ASTN2: variants seen among roughly 807,000 people sequenced by gnomAD.
ASTN2 encodes the protein astrotactin-2.
A neutral mutation model predicts 139.8 loss-of-function variants in ASTN2; 54 were observed. The observed-to-expected ratio is 0.39, with a 90% CI of 0.31 to 0.48. The LOEUF is 0.48. Ranked by LOEUF, ASTN2 falls within the 20% of genes least tolerant of loss-of-function variation. ASTN2 has a pLI of 0.95. For synonymous variants in ASTN2, 756 were observed against 719.5 expected (o/e 1.05, Z -0.81); for missense variants, 1,565 against 1,725.1 (o/e 0.91, Z 1.64).
intron 19 of ASTN2, among the ~76,000 whole-genome samples, chr9:116,511,415 T>C (rs1485583621): frequency 1.3e-5 from 2 of 152,198 alleles, no homozygotes; most frequent in African/African-American, 2.4e-5. Flanking sequence ...CAGTATTTTA[T>C]TGAGGATTTT....
At chr9:117,028,856 A>G (rs1838171157) in intron 6 of ASTN2, among the ~76,000 whole-genome samples, 1 of 152,162 alleles carries the variant, frequency 6.6e-6, no homozygotes, top group African/African-American at 2.4e-5. Context: ...AGGGACTTTG[A>G]ACCCCAGTAT....
intron 7 of ASTN2, among the ~76,000 whole-genome samples, chr9:117,001,487 C>T (rs1837188687): frequency 6.6e-6 from 1 of 152,040 alleles, no homozygotes; most frequent in Admixed American, 6.6e-5. Flanking sequence ...GGATCCTTAC[C>T]TTTTAATGAC....
At position 117,064,616 on chromosome 9, in the gene ASTN2, A is replaced by G. The variant is rs550097965; in HGVS notation, c.1277-24651T>C. 3.3e-5 allele frequency among the ~76,000 whole-genome samples: 5 copies of G among 152,320 alleles called. No individual in the cohort carries two copies. In the South Asian group the frequency reaches 1.0e-3, roughly 32 times the overall value. ...AGCTAAACAATGTGTACCCATGGAC[A>G]TATAGAGTGGAATAATAGACATTGG... On this transcript the variant is annotated intron_variant, in intron 5 of 22. Transcript: ENST00000313400.
At chr9:116,565,347 CTGTT>C (rs1326901884) in intron 19 of ASTN2, among the ~76,000 whole-genome samples, 10 of 102,870 alleles carry the variant, frequency 9.7e-5, no homozygotes, top group Admixed American at 3.1e-4. Flanking sequence ...TTTTAAGACA[CTGTT>C]TCTCTCTCTC....
In ASTN2 at chr9:116,805,885, A is replaced by G. The variant is rs576062019; in HGVS notation, c.2208-65T>C. Reference sequence around the variant, plus strand: ...TGAATGCCCCCATTGGGGGTGACCTAAAACCAAGGCCTCCTTTCCCTGCAA... The same window carrying G: ...TGAATGCCCCCATTGGGGGTGACCTGAAACCAAGGCCTCCTTTCCCTGCAA... On this transcript the variant is annotated intron_variant, in intron 12 of 22. Coordinates refer to ENST00000313400, the MANE Select transcript of ASTN2 (RefSeq NM_001365068.1). 7 of 1,515,540 alleles carry G rather than the reference A, an allele frequency of 4.6e-6. No homozygotes were observed. In the African/African-American group the frequency reaches 6.9e-5, roughly 15 times the overall value. 93.9% of individuals were successfully genotyped at this position (1,515,540 alleles called of 1,614,324 possible). A position where few individuals can be genotyped will look rare whatever the true frequency, so the allele number is the denominator to read the frequency against.
At chr9:116,913,701 A>G (rs1834373347) in intron 10 of ASTN2, among the ~76,000 whole-genome samples, 1 of 152,162 alleles carries the variant, frequency 6.6e-6, no homozygotes, top group Non-Finnish European at 1.5e-5. Flanking sequence ...ATGGAGACAC[A>G]TGCTGGGTTT....
chr9:116,522,734 G>A (rs1291102581), intron 19 of ASTN2, among the ~76,000 whole-genome samples: 1 of 152,080 alleles, frequency 6.6e-6, no homozygotes, highest in Non-Finnish European at 1.5e-5. Context: ...GTCAGCAGAG[G>A]ATAAGTAGAA....
At chr9:117,228,184 T>C (rs943749147) in intron 2 of ASTN2, among the ~76,000 whole-genome samples, 5 of 151,378 alleles carry the variant, frequency 3.3e-5, no homozygotes, top group Non-Finnish European at 5.9e-5. Context: ...ATATATGTTA[T>C]AGAGTAATTT....
At chr9:117,036,354 A>G (rs1172485460) in intron 6 of ASTN2, among the ~76,000 whole-genome samples, 1 of 152,120 alleles carries the variant, frequency 6.6e-6, no homozygotes, top group Non-Finnish European at 1.5e-5. Flanking sequence ...TATACTCCGT[A>G]GTTATTTCTC....
chr9:117,320,790 C>T (rs1182991700), intron 1 of ASTN2, among the ~76,000 whole-genome samples: 1 of 152,162 alleles, frequency 6.6e-6, no homozygotes, highest in Non-Finnish European at 1.5e-5. Flanking sequence ...CCAAACTCCC[C>T]GTAACTGCCA....
intron 21 of ASTN2, 86 bp downstream of exon 21, chr9:116,442,367 G>T: frequency 9.9e-7 from 1 of 1,013,846 alleles, no homozygotes; most frequent in Non-Finnish European, 1.6e-6. Context: ...GTGTGCGTGT[G>T]TGTGTTTAAT....
chr9:116,509,115 C>T (rs559183845), intron 19 of ASTN2, among the ~76,000 whole-genome samples: 11 of 152,208 alleles, frequency 7.2e-5, no homozygotes, highest in South Asian at 2.1e-4. Flanking sequence ...CCCATTAACT[C>T]GTCATTTACA....
intron 2 of ASTN2, among the ~76,000 whole-genome samples, chr9:117,284,901 C>A (rs1008492875): frequency 5.3e-5 from 8 of 152,202 alleles, no homozygotes; most frequent in Non-Finnish European, 4.4e-5. Flanking sequence ...AGTCACAGGT[C>A]TTACAAGTTA....
intron 13 of ASTN2, among the ~76,000 whole-genome samples, chr9:116,743,122 G>A (rs950803767): frequency 6.6e-6 from 1 of 152,208 alleles, no homozygotes; most frequent in Non-Finnish European, 1.5e-5. Flanking sequence ...TTAAGGGGTA[G>A]GGGAGACTGT....
Position 116,725,938 on chromosome 9 carries a change from A to G in ASTN2, c.2639T>C (p.Val880Ala). Residue 880 changes from valine (V) to alanine (A), a missense_variant, in exon 16 of 23, where the codon GTT becomes GCT. Physicochemically the swap from Val to Ala is moderately conservative, Grantham distance 64. Around this residue, in one of 4 missense-constraint regions of ASTN2, gnomAD observed 503 missense variants for 591.7 expected, o/e 0.85. Transcript: ENST00000313400. Reference protein sequence around the residue: ...TITLAAGFTNVLKILTKESSR... With the variant: ...TITLAAGFTNALKILTKESSR... ...GCTCTCCTTGGTCAGGATCTTGAGA[A>G]CATTAGTGAAGCCTGGACAAGAGAG... 1 of 1,612,668 alleles carries G rather than the reference A, an allele frequency of 6.2e-7. No homozygotes were observed. The highest frequency in any genetic ancestry group is 8.5e-7 in the Non-Finnish European group (1 of 1,179,566).
intron 16 of ASTN2, among the ~76,000 whole-genome samples, chr9:116,693,060 G>A (rs1000579634): frequency 1.3e-5 from 2 of 152,056 alleles, no homozygotes; most frequent in South Asian, 2.1e-4. Context: ...TGAAAGGAAA[G>A]GTTGTTCATG....
At chr9:116,766,268 C>A (rs1172511511) in intron 13 of ASTN2, among the ~76,000 whole-genome samples, 1 of 152,090 alleles carries the variant, frequency 6.6e-6, no homozygotes, top group African/African-American at 2.4e-5. Context: ...CACTGACACA[C>A]ACACTCATCT....
chr9:116,679,730 C>T (rs1859725350), intron 16 of ASTN2, among the ~76,000 whole-genome samples: 1 of 152,110 alleles, frequency 6.6e-6, no homozygotes, highest in Admixed American at 6.6e-5. Context: ...CACTCAAAAC[C>T]GCTCAACTAC....
chr9:117,344,056 A>G (rs899090925), intron 1 of ASTN2, among the ~76,000 whole-genome samples: 3 of 152,046 alleles, frequency 2.0e-5, no homozygotes, highest in Non-Finnish European at 2.9e-5. Context: ...CAGGAAAAGC[A>G]TCTCCCAAGG....
Sources: allele counts gnomAD v4.1 joint callset (sites outside exome capture counted in the v4.1 genomes callset), GRCh38; gene constraint gnomAD v4.1.1; regional missense constraint gnomAD v4.1.1; transcripts MANE v1.5; gene names NCBI Gene and HGNC (gene_info 2026-07-23, HGNC 2026-07-21).